CHD2: variants seen among roughly 807,000 people sequenced by gnomAD.
CHD2 encodes chromodomain helicase DNA binding protein 2.
Under a neutral mutation model 243.9 loss-of-function variants are expected in CHD2, and 28 were observed. That is an observed-to-expected ratio of 0.11 (90% CI 0.09 to 0.16). The LOEUF is 0.16. Ranked by LOEUF, CHD2 falls within the 10% of genes least tolerant of loss-of-function variation. CHD2 has a pLI of 1.00. For missense variants in CHD2, 1,386 were observed against 2,209.8 expected, an observed-to-expected ratio of 0.63 and a Z score of 7.47; for synonymous variants, 775 against 779.0, an observed-to-expected ratio of 0.99 and a Z score of 0.09.
At chr15:93,014,522 G>C (rs1448918793) in intron 36 of CHD2, among the ~76,000 whole-genome samples, 174 bp from the exon 37 acceptor site, 1 of 152,130 alleles carries the variant, frequency 6.6e-6, no homozygotes, top group Non-Finnish European at 1.5e-5. Flanking sequence ...AGTTCCCCCA[G>C]CAAATAGCCT....
intron 2 of CHD2, among the ~76,000 whole-genome samples, chr15:92,919,228 C>G (rs1329669434): frequency 6.7e-6 from 1 of 150,204 alleles, no homozygotes; most frequent in African/African-American, 2.5e-5. Context: ...GTGGCACGAT[C>G]TCATTTTCCA....
At chr15:93,011,267 G>C (rs1356432498) in intron 35 of CHD2, among the ~76,000 whole-genome samples, 1 of 152,184 alleles carries the variant, frequency 6.6e-6, no homozygotes, top group Non-Finnish European at 1.5e-5. Flanking sequence ...TCATGAGGCA[G>C]CAAATGCAAG....
chr15:92,931,881 T>TC (rs2053173958), intron 5 of CHD2, among the ~76,000 whole-genome samples: 1 of 151,122 alleles, frequency 6.6e-6, no homozygotes, highest in Non-Finnish European at 1.5e-5. Context: ...TTTTTTTTTT[T>TC]GAGACGCAGT....
chr15:92,922,900 C>T (rs530269837), intron 2 of CHD2, among the ~76,000 whole-genome samples: 12 of 152,156 alleles, frequency 7.9e-5, no homozygotes, highest in African/African-American at 2.9e-4. Flanking sequence ...TATCACCCCT[C>T]AGTCTCTGTG....
chr15:92,969,410 A>G (rs1055733469), intron 17 of CHD2, among the ~76,000 whole-genome samples: 2 of 152,182 alleles, frequency 1.3e-5, no homozygotes, highest in Admixed American at 6.5e-5. Flanking sequence ...AGCAGCACCC[A>G]TCCCCACCAA....
intron 36 of CHD2, among the ~76,000 whole-genome samples, chr15:93,013,343 C>T (rs2054416389): frequency 6.6e-6 from 1 of 152,106 alleles, no homozygotes; most frequent in Non-Finnish European, 1.5e-5. Flanking sequence ...TTAGGAAAGG[C>T]CCTTTAGAAG....
chr15:92,944,752 A>T, intron 10 of CHD2: 1 of 240,568 alleles, frequency 4.2e-6, no homozygotes, highest in Non-Finnish European at 8.1e-6. Context: ...TAGAGGTACC[A>T]TTTACCGAAG....
At chr15:92,999,307 TTCTG>T (rs1469006595) in intron 31 of CHD2, among the ~76,000 whole-genome samples, 2 of 152,216 alleles carry the variant, frequency 1.3e-5, no homozygotes, top group Non-Finnish European at 2.9e-5. Flanking sequence ...TTGCCTGTTG[TTCTG>T]TCTGTCTCTG....
intron 28 of CHD2, among the ~76,000 whole-genome samples, chr15:92,996,578 A>C (rs1392523890): frequency 1.3e-5 from 2 of 152,182 alleles, no homozygotes; most frequent in Non-Finnish European, 1.5e-5. Flanking sequence ...TTTTTAAAAC[A>C]CTTGAGAGTT....
chr15:92,908,267 A>G (rs1337954218), intron 2 of CHD2, among the ~76,000 whole-genome samples: 1 of 152,174 alleles, frequency 6.6e-6, no homozygotes, highest in Non-Finnish European at 1.5e-5. Flanking sequence ...TAACAGCAGT[A>G]ATATTTACAA....
At chr15:93,004,796 C>A in intron 34 of CHD2, 45 bp downstream of exon 34, 1 of 1,590,090 alleles carries the variant, frequency 6.3e-7, no homozygotes, top group Non-Finnish European at 8.6e-7. Context: ...AGCCGCGGTA[C>A]TTGCTGTGGC....
intron 13 of CHD2, among the ~76,000 whole-genome samples, chr15:92,952,125 C>A (rs1009100438): frequency 6.6e-6 from 1 of 152,146 alleles, no homozygotes; most frequent in Non-Finnish European, 1.5e-5. Context: ...TATTCTGTTT[C>A]CCAAATATAT....
intron 5 of CHD2, among the ~76,000 whole-genome samples, chr15:92,932,211 A>T (rs748138742): frequency 6.6e-6 from 1 of 151,532 alleles, no homozygotes; most frequent in Admixed American, 6.6e-5. Flanking sequence ...AATTAACCCA[A>T]TAAAGTCTTT....
At chr15:92,924,192 A>T (rs1054933589) in intron 2 of CHD2, 129 bp from the exon 3 acceptor site, 35 of 682,538 alleles carry the variant, frequency 5.1e-5, no homozygotes, top group East Asian at 2.0e-4. Context: ...ATAAATGTGA[A>T]TTTGAAGATT....
intron 2 of CHD2, among the ~76,000 whole-genome samples, chr15:92,923,016 G>A (rs548830648): frequency 6.6e-6 from 1 of 152,292 alleles, no homozygotes; most frequent in South Asian, 2.1e-4. Flanking sequence ...GCCAGTAGCC[G>A]TCTTTATTGG....
At chr15:92,923,422 A>T (rs1316817579) in intron 2 of CHD2, among the ~76,000 whole-genome samples, 2 of 151,950 alleles carry the variant, frequency 1.3e-5, no homozygotes, top group African/African-American at 4.8e-5. Flanking sequence ...CATCATACCC[A>T]GCTAATTTAA....
chr15:92,943,219 G>T, intron 9 of CHD2, 151 bp downstream of exon 9: 1 of 638,966 alleles, frequency 1.6e-6, no homozygotes, highest in South Asian at 2.0e-5. Flanking sequence ...TATTTTATAA[G>T]ATTGTGACCT....
intron 2 of CHD2, among the ~76,000 whole-genome samples, chr15:92,913,470 G>C (rs2052778680): frequency 6.6e-6 from 1 of 152,160 alleles, no homozygotes; most frequent in Non-Finnish European, 1.5e-5. Context: ...CTGGCCTCTA[G>C]TGGGTAGAGG....
At chr15:93,017,328 T>TG (rs894895583) in intron 37 of CHD2, among the ~76,000 whole-genome samples, 2 of 130,490 alleles carry the variant, frequency 1.5e-5, no homozygotes, top group Non-Finnish European at 3.5e-5. Flanking sequence ...TAAACACTTC[T>TG]TTCTTTTTTT....
Sources: allele counts gnomAD v4.1 joint callset (sites outside exome capture counted in the v4.1 genomes callset), GRCh38; gene constraint gnomAD v4.1.1; transcripts MANE v1.5; gene names NCBI Gene and HGNC (gene_info 2026-07-23, HGNC 2026-07-21).